CCDC7: variants seen among roughly 807,000 people sequenced by gnomAD.
CCDC7 encodes coiled-coil domain-containing protein 7.
Under a neutral mutation model 196.9 loss-of-function variants are expected in CCDC7, and 183 were observed. That is an observed-to-expected ratio of 0.93 (90% CI 0.82 to 1.05). The LOEUF (loss-of-function observed/expected upper bound fraction) is 1.05, where lower values mean the gene tolerates loss of function less well. CCDC7 is among the 50% of genes least tolerant of loss of function. The pLI, the probability that CCDC7 is intolerant of heterozygous loss-of-function variation, is 0.00. For synonymous variants in CCDC7, 525 were observed against 484.6 expected (o/e 1.08, Z -1.10); for missense variants, 1,540 against 1,482.2 (o/e 1.04, Z -0.64).
At chr10:32,576,444 A>T (rs1420462548) in intron 16 of CCDC7, among the ~76,000 whole-genome samples, 1 of 152,074 alleles carries the variant, frequency 6.6e-6, no homozygotes, top group Non-Finnish European at 1.5e-5. Context: ...CTTGTAAACA[A>T]TTAGGGAAAA....
chr10:32,689,183 A>ATGGCCGGGCGCGGTGGCTCACGCCTG lies in CCDC7; in HGVS notation c.2344+21_2344+22insGGCCGGGCGCGGTGGCTCACGCCTGT, dbSNP rs1210015436. 1 of 1,403,748 alleles carries ATGGCCGGGCGCGGTGGCTCACGCCTG rather than the reference A, an allele frequency of 7.1e-7. No homozygotes were observed. Among genetic ancestry groups the ATGGCCGGGCGCGGTGGCTCACGCCTG allele is most frequent in the East Asian group, 2.4e-5 (1 of 40,988 alleles). The allele number at this position is 1,403,748 out of a possible 1,614,324, so 87.0% of individuals were successfully genotyped here. A position where few individuals can be genotyped will look rare whatever the true frequency, so the allele number is the denominator to read the frequency against. ...TTATTAGTAAGTATAAAAAGTAAAG[A>ATGGCCGGGCGCGGTGGCTCACGCCTG]TAACTTTAAATTATTTAAAAGTAAG... On this transcript the variant is annotated intron_variant, in intron 23 of 41. Coordinates refer to ENST00000639629, the Ensembl canonical transcript of CCDC7.
At position 32,505,698 on chromosome 10, in the gene CCDC7, C is replaced by T. The variant is rs546444283; in HGVS notation, c.873-12247C>T. 1.4e-4 allele frequency among the ~76,000 whole-genome samples: 22 copies of T among 152,020 alleles called. No individual in the cohort carries two copies. The East Asian group carries it at 1.9e-3, about 13-fold the overall frequency. ...CCGTTCTCGATGGTCGCTGTCTCTT[C>T]GGAGCTGTTGGGTACACCTCCCAGA... On this transcript the variant is annotated intron_variant, in intron 9 of 41. Transcript: ENST00000639629.
At chr10:32,744,680 T>G (rs2074411161) in intron 28 of CCDC7, among the ~76,000 whole-genome samples, 1 of 152,236 alleles carries the variant, frequency 6.6e-6, no homozygotes, top group Non-Finnish European at 1.5e-5. Context: ...TGTTTTAATA[T>G]TGAGTTTTAA....
chr10:32,501,516 A>T (rs112883655), intron 9 of CCDC7, among the ~76,000 whole-genome samples: 7,967 of 152,094 alleles, frequency 0.052, 689 homozygotes, highest in African/African-American at 0.18. Flanking sequence ...ATCTTTGTGG[A>T]TTTATCTACA....
chr10:32,617,336 G>A lies in CCDC7; in HGVS notation c.1802-16918G>A, dbSNP rs529328836. On this transcript the variant is annotated intron_variant, in intron 18 of 41. Transcript: ENST00000639629. Reference sequence around the variant, plus strand: ...ATTTGTTTTTTTCTGTTAACTTTGGGTTTGGTTTATTCTTTTTCCTCCAGC... The same window carrying A: ...ATTTGTTTTTTTCTGTTAACTTTGGATTTGGTTTATTCTTTTTCCTCCAGC... Among the ~76,000 whole-genome samples, 17 of 151,490 alleles carry A rather than the reference G, an allele frequency of 1.1e-4. No individual in the cohort carries two copies. The South Asian group carries it at 2.9e-3, about 26-fold the overall frequency.
intron 28 of CCDC7, among the ~76,000 whole-genome samples, chr10:32,742,136 A>G (rs2085956923): frequency 6.6e-6 from 1 of 152,162 alleles, no homozygotes; most frequent in Non-Finnish European, 1.5e-5. Context: ...TATTTACTGT[A>G]AATACTAATA....
intron 20 of CCDC7, among the ~76,000 whole-genome samples, chr10:32,643,151 T>C (rs1319691848): frequency 6.6e-6 from 1 of 152,224 alleles, no homozygotes; most frequent in Admixed American, 6.5e-5. Context: ...TATCTATTTC[T>C]TCTTGTAGTT....
chr10:32,576,768 C>A (rs986137766), intron 16 of CCDC7, among the ~76,000 whole-genome samples: 1 of 151,922 alleles, frequency 6.6e-6, no homozygotes, highest in Admixed American at 6.6e-5. Flanking sequence ...CCAGGCTGGT[C>A]TAGAACTCCT....
chr10:32,465,109 GTTT>G (rs72519574), intron 5 of CCDC7, among the ~76,000 whole-genome samples: 3 of 67,282 alleles, frequency 4.5e-5, no homozygotes, highest in Non-Finnish European at 1.3e-4. Flanking sequence ...AATGAAACTA[GTTT>G]TTTTTTTTTT....
At chr10:32,734,451 GAGAGAAGGGAGAGGAGC>G (rs2084519564) in intron 28 of CCDC7, among the ~76,000 whole-genome samples, 1 of 152,152 alleles carries the variant, frequency 6.6e-6, no homozygotes, top group Admixed American at 6.6e-5. Flanking sequence ...GGTGGAGGGT[GAGAGAAGGGAGAGGAGC>G]AGAAAAGGTA....
In CCDC7 at chr10:32,578,683, TAC is replaced by T. The variant is rs139415109; in HGVS notation, c.1455-4349_1455-4348del. Among the ~76,000 whole-genome samples the T allele has an allele frequency of 7.2e-3, 1,095 of 152,128 alleles. 19 individuals carry two copies. The highest frequency in any genetic ancestry group is 0.024 in the African/African-American group (980 of 41,500). ...CAAGCGATGGGAGAGTGGCTGTAAA[TAC>T]AGAGGAAGCTTTGCTTGCTCACTCG... On this transcript the variant is annotated intron_variant, in intron 16 of 41. Coordinates refer to ENST00000639629, the Ensembl canonical transcript of CCDC7.
chr10:32,546,533 A>G (rs2052491544), intron 13 of CCDC7, among the ~76,000 whole-genome samples: 1 of 152,236 alleles, frequency 6.6e-6, no homozygotes, highest in Admixed American at 6.5e-5. Context: ...TTAAGTGTAC[A>G]AGTATGTGCA....
At chr10:32,798,771 T>C (rs75284243) in intron 29 of CCDC7, among the ~76,000 whole-genome samples, 12,639 of 152,244 alleles carry the variant, frequency 0.083, 573 homozygotes, top group East Asian at 0.16. Context: ...AAAATTTCTC[T>C]TCACTGCTGT....
chr10:32,723,681 G>A (rs994313680), intron 25 of CCDC7, among the ~76,000 whole-genome samples: 2 of 151,898 alleles, frequency 1.3e-5, no homozygotes, highest in Non-Finnish European at 2.9e-5. Context: ...GAAAGTGGGG[G>A]TCTATAATGA....
chr10:32,752,773 G>A (rs1390287953), intron 28 of CCDC7, among the ~76,000 whole-genome samples: 2 of 152,092 alleles, frequency 1.3e-5, no homozygotes, highest in Admixed American at 6.6e-5. Context: ...GATTTCTGAA[G>A]TATTTCAATG....
At chr10:32,588,155 G>T (rs1460627834) in intron 18 of CCDC7, among the ~76,000 whole-genome samples, 1 of 152,108 alleles carries the variant, frequency 6.6e-6, no homozygotes. Context: ...CTCCGATGTG[G>T]CTCCTCAACT....
chr10:32,736,298 A>G (rs1230318677), intron 28 of CCDC7, among the ~76,000 whole-genome samples: 1 of 150,668 alleles, frequency 6.6e-6, no homozygotes, highest in African/African-American at 2.5e-5. Context: ...AACATGGACT[A>G]TTGCTCCATT....
intron 28 of CCDC7, among the ~76,000 whole-genome samples, chr10:32,757,848 G>A (rs541508020): frequency 6.6e-6 from 1 of 152,268 alleles, no homozygotes; most frequent in African/African-American, 2.4e-5. Flanking sequence ...AAAATTGATA[G>A]ACCACTAGCA....
chr10:32,656,001 G>T (rs1301577837), intron 20 of CCDC7, among the ~76,000 whole-genome samples: 2 of 152,000 alleles, frequency 1.3e-5, no homozygotes, highest in African/African-American at 2.4e-5. Flanking sequence ...CATTCTGTAG[G>T]TTGTCTCTTC....
Sources: gnomAD v4.1 joint callset for allele counts (sites outside exome capture counted in the v4.1 genomes callset) on GRCh38, gnomAD v4.1.1 for gene constraint, MANE v1.5 for transcripts, NCBI Gene and HGNC (gene_info 2026-07-23, HGNC 2026-07-21) for gene names.